Variants in ABHD5 observed in about 807,000 individuals in gnomAD.
ABHD5 encodes 1-acylglycerol-3-phosphate O-acyltransferase ABHD5.
ABHD5 carries 30 observed loss-of-function variants against 44.9 expected under a neutral mutation model. The observed-to-expected ratio is 0.67, with a 90% CI of 0.50 to 0.91. The LOEUF (loss-of-function observed/expected upper bound fraction) is 0.91, where lower values mean the gene tolerates loss of function less well. ABHD5 is among the 40% of genes least tolerant of loss of function. ABHD5 has a pLI of 0.00. For missense variants in ABHD5, 399 were observed against 423.4 expected (o/e 0.94, Z 0.50); for synonymous variants, 167 against 147.0 (o/e 1.14, Z -0.99).
At chr3:43,712,208 A>G (rs1393524061) in intron 4 of ABHD5, among the ~76,000 whole-genome samples, 1 of 151,998 alleles carries the variant, frequency 6.6e-6, no homozygotes, top group Admixed American at 6.6e-5. Context: ...GGCCTGGGAG[A>G]AGTGTAGCAT....
chr3:43,699,761 A>T, intron 2 of ABHD5: 1 of 174,020 alleles, frequency 5.7e-6, no homozygotes, highest in South Asian at 1.1e-4. Context: ...AAGAAAAAAA[A>T]TACTTTCCAA....
chr3:43,703,305 A>G (rs924628290), intron 3 of ABHD5, among the ~76,000 whole-genome samples: 1 of 151,984 alleles, frequency 6.6e-6, no homozygotes. Context: ...TCAGCCTTTG[A>G]ATAGCTGTGA....
At chr3:43,726,791 AC>A (rs2084880886), downstream of ABHD5, among the ~76,000 whole-genome samples, 1 of 152,112 alleles carries the variant, frequency 6.6e-6, no homozygotes, top group South Asian at 2.1e-4. Context: ...TTGAGGCATT[AC>A]CCCCAAGAGA....
chr3:43,723,393 C>T (rs1450505344), downstream of ABHD5, among the ~76,000 whole-genome samples: 1 of 152,110 alleles, frequency 6.6e-6, no homozygotes, highest in African/African-American at 2.4e-5. Context: ...TTTGCCACCT[C>T]TAATGAAGGA....
At chr3:43,705,912 G>C (rs2084612809) in intron 3 of ABHD5, among the ~76,000 whole-genome samples, 1 of 151,574 alleles carries the variant, frequency 6.6e-6, no homozygotes. Flanking sequence ...GGTCCTGGTT[G>C]GGCAAATTTG....
intron 1 of ABHD5, 58 bp downstream of exon 1, chr3:43,691,097 C>T (rs2084368367): frequency 1.4e-6 from 2 of 1,471,076 alleles, no homozygotes; most frequent in South Asian, 1.3e-5. Flanking sequence ...CCGCGCGGGC[C>T]GGGTTAGGGC....
At chr3:43,703,241 A>G (rs1017132258) in intron 3 of ABHD5, among the ~76,000 whole-genome samples, 11 of 151,320 alleles carry the variant, frequency 7.3e-5, no homozygotes, top group Non-Finnish European at 1.3e-4. Flanking sequence ...GTGCAGTGAC[A>G]TGATCTCGGC....
intron 3 of ABHD5, among the ~76,000 whole-genome samples, chr3:43,711,007 A>G (rs938726967): frequency 2.3e-4 from 35 of 152,320 alleles, no homozygotes; most frequent in African/African-American, 8.2e-4. Context: ...AATATTTTCT[A>G]TCTCTTGGTC....
intron 3 of ABHD5, among the ~76,000 whole-genome samples, chr3:43,707,349 C>T (rs1346065477): frequency 6.6e-6 from 1 of 152,106 alleles, no homozygotes; most frequent in African/African-American, 2.4e-5. Context: ...TTTTCTTTTG[C>T]CTGGCTCTGT....
intron 7 of ABHD5, among the ~76,000 whole-genome samples, chr3:43,731,444 A>AGT (rs1429202868): frequency 6.6e-6 from 1 of 152,202 alleles, no homozygotes; most frequent in Non-Finnish European, 1.5e-5. Flanking sequence ...ACAAAATAAC[A>AGT]GTGTTCTTGA....
intron 7 of ABHD5, among the ~76,000 whole-genome samples, chr3:43,731,465 A>G (rs142980119): frequency 6.6e-6 from 1 of 152,174 alleles, no homozygotes; most frequent in African/African-American, 2.4e-5. Context: ...ACATGCAAAC[A>G]CTCAGACAAC....
At chr3:43,727,567 G>T (rs116481137), downstream of ABHD5, among the ~76,000 whole-genome samples, 1,436 of 152,262 alleles carry the variant, frequency 9.4e-3, 23 homozygotes, top group African/African-American at 0.033. Flanking sequence ...ATTAGCCAAT[G>T]CAGGAAAAAA....
chr3:43,715,791 C>T (rs2084755325), intron 5 of ABHD5, among the ~76,000 whole-genome samples: 1 of 152,106 alleles, frequency 6.6e-6, no homozygotes, highest in African/African-American at 2.4e-5. Context: ...CTGGATTAAA[C>T]AAAAGTAAAT....
chr3:43,710,304 G>A (rs2084671187), intron 3 of ABHD5, among the ~76,000 whole-genome samples: 1 of 152,082 alleles, frequency 6.6e-6, no homozygotes, highest in South Asian at 2.1e-4. Context: ...ATTAGGACTG[G>A]CCTTGAGAGT....
In ABHD5 at chr3:43,718,519, A is replaced by T. The variant is rs756061356; in HGVS notation, c.1037A>T (p.Asp346Val). 3.7e-6 allele frequency: 6 copies of T among 1,614,030 alleles called. No homozygotes were observed. The highest frequency in any genetic ancestry group is 3.3e-5 in the Admixed American group (2 of 60,010). Reference sequence around the variant, plus strand: ...AACCAGAAAGTAAAGGAGATCTGCGACACTGTGGACTGAACACACTGAAGC... The same window carrying T: ...AACCAGAAAGTAAAGGAGATCTGCGTCACTGTGGACTGAACACACTGAAGC... ...EFNQKVKEIC[D>V]TVD The change falls in exon 7 of 7, where the codon GAC (aspartate) becomes GTC (valine). Residue 346 changes from aspartate to valine, a missense_variant. By Grantham distance (152) the Asp-to-Val change is radical. Transcript: ENST00000644371.
chr3:43,706,237 AC>A (rs1377825778), intron 3 of ABHD5, among the ~76,000 whole-genome samples: 1 of 152,198 alleles, frequency 6.6e-6, no homozygotes, highest in Non-Finnish European at 1.5e-5. Flanking sequence ...GTACTGAACT[AC>A]ATACTCGTGC....
chr3:43,693,336 A>G (rs893535688), intron 1 of ABHD5, among the ~76,000 whole-genome samples: 1 of 152,208 alleles, frequency 6.6e-6, no homozygotes, highest in Non-Finnish European at 1.5e-5. Flanking sequence ...AATGCTATAA[A>G]TAAGGTATAA....
chr3:43,693,319 A>G (rs1463668162), intron 1 of ABHD5, among the ~76,000 whole-genome samples: 1 of 152,204 alleles, frequency 6.6e-6, no homozygotes, highest in Non-Finnish European at 1.5e-5. Flanking sequence ...CACCACGGAA[A>G]TCATCAAATG....
downstream of ABHD5, among the ~76,000 whole-genome samples, chr3:43,725,716 G>T (rs959281447): frequency 2.0e-5 from 3 of 152,194 alleles, no homozygotes; most frequent in Non-Finnish European, 2.9e-5. Context: ...TCTGGACAGT[G>T]TCTCCAGGAC....
Sources: gnomAD v4.1 joint callset for allele counts (sites outside exome capture counted in the v4.1 genomes callset) on GRCh38, gnomAD v4.1.1 for gene constraint, MANE v1.5 for transcripts, NCBI Gene and HGNC (gene_info 2026-07-23, HGNC 2026-07-21) for gene names.